Variants in JAZF1 observed in about 807,000 individuals in gnomAD.
The protein encoded by JAZF1 is JAZF zinc finger 1.
JAZF1 carries 8 observed loss-of-function variants against 26.4 expected under a neutral mutation model. That is an observed-to-expected ratio of 0.30 (90% CI 0.18 to 0.55). The LOEUF (loss-of-function observed/expected upper bound fraction) is 0.55, where lower values mean the gene tolerates loss of function less well. JAZF1 is among the 20% of genes least tolerant of loss of function. The probability of loss-of-function intolerance (pLI) is 0.94; values close to 1 mark genes in which losing one functional copy is unlikely to be tolerated. For missense variants in JAZF1, 199 were observed against 322.0 expected, an observed-to-expected ratio of 0.62 and a Z score of 2.92; for synonymous variants, 126 against 122.3, an observed-to-expected ratio of 1.03 and a Z score of -0.20.
intron 1 of JAZF1, among the ~76,000 whole-genome samples, chr7:28,032,578 G>T (rs193172142): frequency 6.6e-6 from 1 of 152,210 alleles, no homozygotes; most frequent in Admixed American, 6.5e-5. Context: ...TGCTAGATCA[G>T]ATAGCCTCTT....
chr7:28,097,037 C>T (rs566360170), intron 1 of JAZF1, among the ~76,000 whole-genome samples: 4 of 152,118 alleles, frequency 2.6e-5, no homozygotes, highest in Non-Finnish European at 5.9e-5. Context: ...CCAAATCACA[C>T]CTGCTAACCT....
chr7:28,180,156 C>A (rs1332833848), intron 1 of JAZF1, among the ~76,000 whole-genome samples: 2 of 143,568 alleles, frequency 1.4e-5, no homozygotes, highest in African/African-American at 2.6e-5. Flanking sequence ...GCAACCCCGC[C>A]GCCCCGCCGC....
At chr7:27,889,249 G>T (rs182925694) in intron 3 of JAZF1, among the ~76,000 whole-genome samples, 1 of 151,656 alleles carries the variant, frequency 6.6e-6, no homozygotes, top group Non-Finnish European at 1.5e-5. Flanking sequence ...TGATTTCAAC[G>T]TTCATCCTGA....
chr7:28,145,144 A>T (rs911965831), intron 1 of JAZF1, among the ~76,000 whole-genome samples: 1 of 151,358 alleles, frequency 6.6e-6, no homozygotes, highest in African/African-American at 2.4e-5. Flanking sequence ...TAGAAAAATT[A>T]AAAAAATAAA....
intron 2 of JAZF1, among the ~76,000 whole-genome samples, chr7:27,985,938 T>C (rs1392290908): frequency 6.6e-6 from 1 of 152,186 alleles, no homozygotes; most frequent in Non-Finnish European, 1.5e-5. Flanking sequence ...AAACTAGGTA[T>C]TGATGGGACA....
intron 3 of JAZF1, among the ~76,000 whole-genome samples, chr7:27,851,837 A>G (rs1783156462): frequency 6.6e-6 from 1 of 152,208 alleles, no homozygotes; most frequent in Non-Finnish European, 1.5e-5. Flanking sequence ...CTGGGTCACA[A>G]GAATCTGGTG....
At chr7:28,061,462 T>TA (rs1783796219) in intron 1 of JAZF1, among the ~76,000 whole-genome samples, 1 of 152,242 alleles carries the variant, frequency 6.6e-6, no homozygotes, top group Non-Finnish European at 1.5e-5. Context: ...TGAACACTCC[T>TA]ATTTAACTGC....
chr7:27,872,539 T>G (rs1478486290), intron 3 of JAZF1, among the ~76,000 whole-genome samples: 1 of 152,208 alleles, frequency 6.6e-6, no homozygotes, highest in Non-Finnish European at 1.5e-5. Flanking sequence ...TTTTCTACCT[T>G]CAGCCAGGGG....
In JAZF1 at chr7:27,903,563, C is replaced by T. The variant is rs147521467; in HGVS notation, c.189-8147G>A. Among the ~76,000 whole-genome samples the T allele has an allele frequency of 1.3e-4, 20 of 152,316 alleles. No homozygotes were observed. In the East Asian group the frequency reaches 3.7e-3, roughly 28 times the overall value. The stretch of plus-strand genomic sequence containing the variant: ...ACAGGCAAATTCAAGAAGACAGATA[C>T]AATAACTACTCATGAACAGAAAAAG... On this transcript the variant is annotated intron_variant, in intron 2 of 4. Coordinates refer to ENST00000283928, the MANE Select transcript of JAZF1 (RefSeq NM_175061.4).
At chr7:27,952,691 G>A (rs1212059958) in intron 2 of JAZF1, among the ~76,000 whole-genome samples, 2 of 152,224 alleles carry the variant, frequency 1.3e-5, no homozygotes, top group Non-Finnish European at 2.9e-5. Context: ...AGGGCTGGGG[G>A]AGTTGAACAA....
intron 2 of JAZF1, among the ~76,000 whole-genome samples, chr7:27,991,220 T>G (rs140547284): frequency 1.3e-5 from 2 of 152,224 alleles, no homozygotes; most frequent in Non-Finnish European, 2.9e-5. Context: ...CTCATTCTCA[T>G]TAAAAACTAG....
chr7:27,840,992 C>T lies in JAZF1; in HGVS notation c.386-125G>A. ...GCGCTGACGGCCCAGGGAGAGGGCA[C>T]TCCCGGCACCAGGGGACTGCAAACA... is the stretch of plus-strand genomic sequence containing the variant. On this transcript the variant is annotated intron_variant, in intron 3 of 4. Coordinates refer to ENST00000283928, the MANE Select transcript of JAZF1 (RefSeq NM_175061.4). This position sits in a 1 kb window ranked among gnomAD's most constrained non-coding sequence, Gnocchi z 5.1. The T allele has an allele frequency of 1.1e-6, 1 of 901,640 alleles. No homozygotes were observed. Among genetic ancestry groups the T allele is most frequent in the Non-Finnish European group, 1.7e-6 (1 of 588,244 alleles). The allele number at this position is 901,640 out of a possible 1,614,324, so 55.9% of individuals were successfully genotyped here.
chr7:27,891,416 T>C (rs960383357), intron 3 of JAZF1, among the ~76,000 whole-genome samples: 1 of 152,208 alleles, frequency 6.6e-6, no homozygotes, highest in Non-Finnish European at 1.5e-5. Flanking sequence ...TGCTGATCTA[T>C]GATTTAAACT....
Position 27,909,574 on chromosome 7 carries a change from G to A in JAZF1, c.189-14158C>T, listed in dbSNP as rs1007224366. Among the ~76,000 whole-genome samples the A allele has an allele frequency of 1.4e-4, 21 of 152,164 alleles. 1 individual carries two copies. Among genetic ancestry groups the A allele is most frequent in the Non-Finnish European group, 2.8e-4 (19 of 68,026 alleles). On this transcript the variant is annotated intron_variant, in intron 2 of 4. Coordinates refer to ENST00000283928, the MANE Select transcript of JAZF1 (RefSeq NM_175061.4). ...AATACAAAATTAGCCGGGCATGGTG[G>A]CACATGCCTGTAATCCCAGCTACTA...
chr7:27,832,057 G>A lies in JAZF1; in HGVS notation c.*743C>T. 1 of 213,408 alleles carries A rather than the reference G, an allele frequency of 4.7e-6. No homozygotes were observed. The highest frequency in any genetic ancestry group is 1.9e-4 in the South Asian group (1 of 5,348). 13.2% of individuals were successfully genotyped at this position (213,408 alleles called of 1,614,324 possible). A position where few individuals can be genotyped will look rare whatever the true frequency, so the allele number is the denominator to read the frequency against. On this transcript the variant is annotated 3_prime_UTR_variant, in exon 5 of 5. Coordinates refer to ENST00000283928, the MANE Select transcript of JAZF1 (RefSeq NM_175061.4). ...AAATTGAATCCCTTGTACCCAGCAGGCACTCAATCAATGTGTGTTAAATGA... is the reference window on the plus strand; with the variant it reads ...AAATTGAATCCCTTGTACCCAGCAGACACTCAATCAATGTGTGTTAAATGA...
At chr7:27,868,407 C>T (rs75079595) in intron 3 of JAZF1, among the ~76,000 whole-genome samples, 2,640 of 152,304 alleles carry the variant, frequency 0.017, 86 homozygotes, top group African/African-American at 0.061. Context: ...TTGCTTCTCC[C>T]GCTCCCATCC....
chr7:28,131,163 T>C (rs955167150), intron 1 of JAZF1, among the ~76,000 whole-genome samples: 3 of 152,186 alleles, frequency 2.0e-5, no homozygotes, highest in Non-Finnish European at 4.4e-5. Context: ...CTTCCCTTAG[T>C]AGTTTCTATG....
chr7:27,833,160 T>C, intron 4 of JAZF1, 184 bp from the exon 5 acceptor site: 1 of 405,160 alleles, frequency 2.5e-6, no homozygotes, highest in East Asian at 3.7e-5. Flanking sequence ...GCTGTACGGA[T>C]GGTCACACAC....
chr7:28,178,060 G>T (rs984083728), intron 1 of JAZF1, among the ~76,000 whole-genome samples: 1 of 152,152 alleles, frequency 6.6e-6, no homozygotes, highest in Admixed American at 6.5e-5. Flanking sequence ...TTTCAACTGT[G>T]TTAGCCCTGC....
Sources: allele counts gnomAD v4.1 joint callset (sites outside exome capture counted in the v4.1 genomes callset), GRCh38; gene constraint gnomAD v4.1.1; non-coding constraint Gnocchi (gnomAD v3.1); transcripts MANE v1.5; gene names NCBI Gene and HGNC (gene_info 2026-07-23, HGNC 2026-07-21).